Variants in ANKS1B observed in about 807,000 individuals in gnomAD.
The protein encoded by ANKS1B is ankyrin repeat and sterile alpha motif domain containing 1B.
A neutral mutation model predicts 148.3 loss-of-function variants in ANKS1B; 36 were observed. That is an observed-to-expected ratio of 0.24 (90% CI 0.19 to 0.32). The LOEUF is 0.32. Among genes scored for constraint, ANKS1B ranks in the 10% least tolerant of loss-of-function variants. The pLI, the probability that ANKS1B is intolerant of heterozygous loss-of-function variation, is 1.00. For synonymous variants in ANKS1B, 542 were observed against 560.8 expected (o/e 0.97, Z 0.47); for missense variants, 1,157 against 1,542.6 (o/e 0.75, Z 4.19).
At chr12:99,003,798 C>T (rs1039293912) in intron 17 of ANKS1B, among the ~76,000 whole-genome samples, 6 of 152,148 alleles carry the variant, frequency 3.9e-5, no homozygotes, top group African/African-American at 1.4e-4. Flanking sequence ...ACCAATGGCA[C>T]ATATACCACC....
intron 9 of ANKS1B, among the ~76,000 whole-genome samples, chr12:99,634,012 T>C (rs2098203227): frequency 6.6e-6 from 1 of 152,074 alleles, no homozygotes; most frequent in Admixed American, 6.6e-5. Flanking sequence ...AGTTAAGAAT[T>C]TGGGGCTATG....
intron 12 of ANKS1B, among the ~76,000 whole-genome samples, chr12:99,346,427 C>T (rs1198986296): frequency 6.7e-6 from 1 of 150,082 alleles, no homozygotes; most frequent in African/African-American, 2.5e-5. Flanking sequence ...CCTTCCCCAC[C>T]ACCACACACA....
intron 22 of ANKS1B, among the ~76,000 whole-genome samples, chr12:98,796,744 C>G (rs2098953244): frequency 6.6e-6 from 1 of 152,096 alleles, no homozygotes; most frequent in African/African-American, 2.4e-5. Context: ...GAGCAGCAAA[C>G]CAGAAAAATG....
At chr12:99,323,906 AT>A (rs944421247) in intron 12 of ANKS1B, among the ~76,000 whole-genome samples, 2 of 151,652 alleles carry the variant, frequency 1.3e-5, no homozygotes, top group Non-Finnish European at 2.9e-5. Context: ...CTTGTATAAT[AT>A]TTTTTTTCCT....
At chr12:99,970,217 A>G (rs2095541699) in intron 1 of ANKS1B, among the ~76,000 whole-genome samples, 1 of 152,172 alleles carries the variant, frequency 6.6e-6, no homozygotes, top group African/African-American at 2.4e-5. Flanking sequence ...GGGATCAGGA[A>G]ATAACACGTT....
At chr12:99,772,222 T>A (rs989187418) in intron 8 of ANKS1B, among the ~76,000 whole-genome samples, 3 of 152,112 alleles carry the variant, frequency 2.0e-5, no homozygotes, top group Non-Finnish European at 4.4e-5. Flanking sequence ...CTGACCTCAA[T>A]CTATCCTTCT....
At chr12:99,534,972 G>C (rs573547295) in intron 9 of ANKS1B, among the ~76,000 whole-genome samples, 2 of 152,032 alleles carry the variant, frequency 1.3e-5, no homozygotes, top group Admixed American at 6.5e-5. Flanking sequence ...GCCTCCCAAA[G>C]TGCTGGGATT....
chr12:99,493,283 C>T lies in ANKS1B; in HGVS notation c.1438+11193G>A, dbSNP rs766345266. Among the ~76,000 whole-genome samples the T allele has an allele frequency of 2.0e-5, 3 of 152,114 alleles. No homozygotes were observed. The East Asian group carries it at 5.8e-4, about 29-fold the overall frequency. ...TTGCAGAAGTTTAAGGAGGGTGATG[C>T]AATCAGATTTGTGGTTTTAAGATTA... On this transcript the variant is annotated intron_variant, in intron 10 of 26. Coordinates refer to ENST00000683438, the MANE Select transcript of ANKS1B (RefSeq NM_001352186.2).
At chr12:99,331,323 TG>T (rs1424681487) in intron 12 of ANKS1B, among the ~76,000 whole-genome samples, 1 of 151,912 alleles carries the variant, frequency 6.6e-6, no homozygotes, top group Non-Finnish European at 1.5e-5. Context: ...TAGCAGTAAA[TG>T]TCAAAATTCA....
intron 9 of ANKS1B, among the ~76,000 whole-genome samples, chr12:99,506,613 T>C (rs75501573): frequency 0.029 from 4,420 of 152,072 alleles, 93 homozygotes; most frequent in South Asian, 0.088. Flanking sequence ...TTTGAAAGGC[T>C]ATCCCTCATC....
chr12:99,868,826 G>C (rs1014893996), intron 1 of ANKS1B, among the ~76,000 whole-genome samples: 1 of 152,164 alleles, frequency 6.6e-6, no homozygotes, highest in Non-Finnish European at 1.5e-5. Flanking sequence ...GGGAGGCCGA[G>C]GCGGGCAGAT....
At position 99,598,112 on chromosome 12, in the gene ANKS1B, T is replaced by A. The variant is rs188732848; in HGVS notation, c.1272+56955A>T. Among the ~76,000 whole-genome samples the A allele has an allele frequency of 1.3e-4, 20 of 152,132 alleles. No individual in the cohort carries two copies. The East Asian group carries it at 3.7e-3, about 28-fold the overall frequency. On this transcript the variant is annotated intron_variant, in intron 9 of 26. Transcript: ENST00000683438. ...ATCCATCAGAACTCCAGTCTGGAGA[T>A]GAGAGCTAATACATTGCCACATTAG...
intron 9 of ANKS1B, among the ~76,000 whole-genome samples, chr12:99,630,659 A>T (rs2098148735): frequency 6.6e-6 from 1 of 152,186 alleles, no homozygotes; most frequent in Non-Finnish European, 1.5e-5. Flanking sequence ...TTATTCTTTC[A>T]GTTGTAATCA....
intron 9 of ANKS1B, among the ~76,000 whole-genome samples, chr12:99,632,862 A>T (rs529633531): frequency 1.4e-5 from 2 of 141,806 alleles, no homozygotes; most frequent in South Asian, 2.4e-4. Flanking sequence ...TGCACCCAGT[A>T]ACTCGTCATT....
rs549799414 is a variant in ANKS1B at position 99,754,090 on chromosome 12, G to A, written c.1128+18832C>T. Among the ~76,000 whole-genome samples the A allele has an allele frequency of 1.9e-4, 29 of 152,002 alleles. 1 individual carries two copies. The highest frequency in any genetic ancestry group is 1.5e-3 in the South Asian group (7 of 4,806). On this transcript the variant is annotated intron_variant, in intron 8 of 26. Coordinates refer to ENST00000683438, the MANE Select transcript of ANKS1B (RefSeq NM_001352186.2). ...CTAGATAAAGAACCAAGATCCATTG[G>A]TATGCTGTTTGCAAGAGACTCATCT...
chr12:98,932,616 CA>C (rs2099814682), intron 17 of ANKS1B, among the ~76,000 whole-genome samples: 1 of 152,010 alleles, frequency 6.6e-6, no homozygotes. Context: ...TTGATAATAC[CA>C]AATAACATCA....
intron 10 of ANKS1B, among the ~76,000 whole-genome samples, chr12:99,460,062 C>G (rs906446968): frequency 6.6e-6 from 1 of 151,904 alleles, no homozygotes; most frequent in African/African-American, 2.4e-5. Context: ...AACATATGGA[C>G]CAATGGAACT....
intron 14 of ANKS1B, among the ~76,000 whole-genome samples, chr12:99,156,423 A>G (rs2076060186): frequency 6.6e-6 from 1 of 151,994 alleles, no homozygotes; most frequent in Non-Finnish European, 1.5e-5. Context: ...TTTGATTACT[A>G]CTCCCTGTCT....
chr12:99,440,056 T>C (rs977199706), intron 11 of ANKS1B, among the ~76,000 whole-genome samples: 4 of 151,746 alleles, frequency 2.6e-5, no homozygotes, highest in Non-Finnish European at 5.9e-5. Context: ...ATACTCACCA[T>C]AGGATTCCAT....
Sources: allele counts gnomAD v4.1 joint callset (sites outside exome capture counted in the v4.1 genomes callset), GRCh38; gene constraint gnomAD v4.1.1; transcripts MANE v1.5; gene names NCBI Gene and HGNC (gene_info 2026-07-23, HGNC 2026-07-21).